Variants in XRN2 observed in about 807,000 individuals in gnomAD.
XRN2 encodes 5'-3' exoribonuclease 2.
A neutral mutation model predicts 138.5 loss-of-function variants in XRN2; 44 were observed. The observed-to-expected ratio is 0.32, with a 90% CI of 0.25 to 0.41. XRN2 has a LOEUF of 0.41. Among genes scored for constraint, XRN2 ranks in the 10% least tolerant of loss-of-function variants. The probability of loss-of-function intolerance (pLI) is 1.00; values close to 1 mark genes in which losing one functional copy is unlikely to be tolerated. For synonymous variants in XRN2, 354 were observed against 369.4 expected (o/e 0.96, Z 0.48); for missense variants, 937 against 1,169.3 (o/e 0.80, Z 2.90).
chr20:21,344,965 C>T lies in XRN2; in HGVS notation c.1529+757C>T, dbSNP rs191966765. Among the ~76,000 whole-genome samples the T allele has an allele frequency of 2.9e-4, 44 of 152,310 alleles. No homozygotes were observed. The East Asian group carries it at 7.9e-3, about 27-fold the overall frequency. ...AGGTAAACAAGACAGTAGTCACCTACAGCTCATGCTTCTTTTACAGGACAT... is the reference window on the plus strand; with the variant it reads ...AGGTAAACAAGACAGTAGTCACCTATAGCTCATGCTTCTTTTACAGGACAT... On this transcript the variant is annotated intron_variant, in intron 16 of 29. Transcript: ENST00000377191.
At chr20:21,384,354 T>G (rs1436221749) in intron 28 of XRN2, among the ~76,000 whole-genome samples, 1 of 152,242 alleles carries the variant, frequency 6.6e-6, no homozygotes, top group Non-Finnish European at 1.5e-5. Context: ...TTTTACCATA[T>G]GCATACATTT....
intron 1 of XRN2, among the ~76,000 whole-genome samples, chr20:21,308,023 A>T (rs536949537): frequency 1.3e-5 from 1 of 74,192 alleles, no homozygotes; most frequent in African/African-American, 3.7e-5. Flanking sequence ...TGCAACCTCC[A>T]CCTTCTGGGT....
chr20:21,362,153 A>G (rs560210548), intron 24 of XRN2, among the ~76,000 whole-genome samples: 1 of 152,194 alleles, frequency 6.6e-6, no homozygotes, highest in East Asian at 1.9e-4. Flanking sequence ...AGACTGTCCT[A>G]TTGACTTGGA....
rs751020364 is a variant in XRN2, at chr20:21,365,661, C to T, written c.2413C>T (p.Arg805Trp). 1.5e-5 allele frequency: 24 copies of T among 1,611,370 alleles called. No homozygotes were observed. In the Middle Eastern group the frequency reaches 9.9e-4, roughly 66 times the overall value. Residue 805 changes from arginine to tryptophan, a missense_variant, in exon 26 of 30, where the codon CGG becomes TGG. Physicochemically the swap from Arg to Trp is moderately radical, Grantham distance 101. This residue lies in a region of XRN2 where 372 missense variants were observed against 414.4 expected (regional missense o/e 0.90). Coordinates refer to ENST00000377191, the MANE Select transcript of XRN2 (RefSeq NM_012255.5). ...WKPQLGFNRD[R>W]RPVHLDQAAF... ...GCCTCAGCTTGGCTTTAACCGTGAC[C>T]GGAGGCCTGTGCACCTGGATCAGGC...
At chr20:21,360,734 A>G (rs752179029) in intron 24 of XRN2, among the ~76,000 whole-genome samples, 13 of 152,206 alleles carry the variant, frequency 8.5e-5, no homozygotes, top group Non-Finnish European at 1.9e-4. Flanking sequence ...TGCAAGGCTT[A>G]TGCTTGGCAA....
At chr20:21,375,829 T>TTTTATTTATTTATTTATTTA (rs1555788112) in intron 27 of XRN2, among the ~76,000 whole-genome samples, 1 of 135,900 alleles carries the variant, frequency 7.4e-6, no homozygotes, top group African/African-American at 2.7e-5. Context: ...TTTATTTATT[T>TTTTATTTATTTATTTATTTA]TTTATTTATT....
At chr20:21,325,761 G>T (rs2038118451) in intron 1 of XRN2, among the ~76,000 whole-genome samples, 1 of 152,198 alleles carries the variant, frequency 6.6e-6, no homozygotes, top group Admixed American at 6.5e-5. Flanking sequence ...TAAGATTAAG[G>T]ACGTACACTT....
intron 20 of XRN2, 81 bp downstream of exon 20, chr20:21,349,542 A>C: frequency 8.5e-7 from 1 of 1,181,712 alleles, no homozygotes; most frequent in Non-Finnish European, 1.2e-6. Context: ...AAAGATAAAT[A>C]TTTTAGCCTG....
intron 29 of XRN2, among the ~76,000 whole-genome samples, chr20:21,388,228 G>A (rs1427765790): frequency 6.6e-6 from 1 of 152,180 alleles, no homozygotes; most frequent in African/African-American, 2.4e-5. Context: ...CTGGTAGCTG[G>A]CTGCCTAGAC....
intron 24 of XRN2, among the ~76,000 whole-genome samples, chr20:21,363,076 T>C (rs902362797): frequency 1.7e-4 from 26 of 152,158 alleles, no homozygotes; most frequent in Non-Finnish European, 3.4e-4. Flanking sequence ...ATGTTTTCCT[T>C]GGTCCTCAGG....
Position 21,339,040 on chromosome 20 carries a change from T to C in XRN2, c.1234-4T>C. Reference sequence around the variant, plus strand: ...GACAGAATATGTGGATTTTATACTTTTAGGACAGTTTTAGAAGACGACAGA... The same window carrying C: ...GACAGAATATGTGGATTTTATACTTCTAGGACAGTTTTAGAAGACGACAGA... On this transcript the variant is annotated splice_region_variant and splice_polypyrimidine_tract_variant and intron_variant, in intron 13 of 29. Transcript: ENST00000377191. 2 of 1,603,468 alleles carry C rather than the reference T, an allele frequency of 1.2e-6. No homozygotes were observed. Among genetic ancestry groups the C allele is most frequent in the Non-Finnish European group, 1.7e-6 (2 of 1,173,034 alleles).
At chr20:21,386,405 A>C (rs755438169) in intron 28 of XRN2, among the ~76,000 whole-genome samples, 7 of 152,266 alleles carry the variant, frequency 4.6e-5, no homozygotes, top group Non-Finnish European at 8.8e-5. Context: ...TGGATTCAAA[A>C]TACTCAGCAG....
intron 28 of XRN2, among the ~76,000 whole-genome samples, chr20:21,385,775 C>A (rs540116267): frequency 6.6e-6 from 1 of 152,180 alleles, no homozygotes; most frequent in African/African-American, 2.4e-5. Flanking sequence ...AGCCCAGCGC[C>A]GGGCTTTTTT....
chr20:21,360,041 C>T (rs951586140), intron 24 of XRN2, among the ~76,000 whole-genome samples: 2 of 152,066 alleles, frequency 1.3e-5, no homozygotes, highest in Admixed American at 6.6e-5. Context: ...CCCTTAAATT[C>T]GTAGACAGAC....
chr20:21,328,447 C>G (rs916245589), intron 3 of XRN2, 112 bp from the exon 4 acceptor site: 39 of 1,034,800 alleles, frequency 3.8e-5, no homozygotes, highest in Non-Finnish European at 5.1e-5. Flanking sequence ...CATTACTTAC[C>G]TTTCTTCCAT....
At chr20:21,361,965 A>T (rs1042837694) in intron 24 of XRN2, among the ~76,000 whole-genome samples, 2 of 152,194 alleles carry the variant, frequency 1.3e-5, no homozygotes, top group African/African-American at 4.8e-5. Context: ...GTTCTCAAAG[A>T]TCCAAGGAAA....
intron 24 of XRN2, 51 bp downstream of exon 24, chr20:21,357,843 G>C: frequency 6.7e-7 from 1 of 1,484,404 alleles, no homozygotes; most frequent in East Asian, 2.3e-5. Flanking sequence ...CTCTGAACTT[G>C]CAAATCCATT....
At chr20:21,312,673 A>G (rs909290257) in intron 1 of XRN2, among the ~76,000 whole-genome samples, 2 of 148,070 alleles carry the variant, frequency 1.4e-5, no homozygotes, top group African/African-American at 5.1e-5. Context: ...GCAGTGGTGC[A>G]ATCTCTGCTC....
intron 1 of XRN2, among the ~76,000 whole-genome samples, chr20:21,310,383 C>T (rs774057679): frequency 9.9e-5 from 15 of 152,184 alleles, no homozygotes; most frequent in Non-Finnish European, 1.9e-4. Context: ...GAAAAGGATA[C>T]ATTTTCTGCT....
Sources: gnomAD v4.1 joint callset for allele counts (sites outside exome capture counted in the v4.1 genomes callset) on GRCh38, gnomAD v4.1.1 for gene constraint, gnomAD v4.1.1 regional missense constraint, MANE v1.5 for transcripts, NCBI Gene and HGNC (gene_info 2026-07-23, HGNC 2026-07-21) for gene names.